Variants in MTHFD2L observed in about 807,000 individuals in gnomAD.
MTHFD2L encodes methylenetetrahydrofolate dehydrogenase (NADP+ dependent) 2 like.
MTHFD2L carries 29 observed loss-of-function variants against 34.9 expected under a neutral mutation model. The observed-to-expected ratio is 0.83, with a 90% CI of 0.62 to 1.13. MTHFD2L has a LOEUF of 1.13. Ranked by LOEUF, MTHFD2L falls within the 50% of genes most tolerant of loss-of-function variation. The pLI, the probability that MTHFD2L is intolerant of heterozygous loss-of-function variation, is 0.00. For synonymous variants in MTHFD2L, 167 were observed against 155.7 expected, an observed-to-expected ratio of 1.07 and a Z score of -0.54; for missense variants, 481 against 446.5, an observed-to-expected ratio of 1.08 and a Z score of -0.70.
At chr4:74,237,450 A>G (rs1741013725) in intron 6 of MTHFD2L, among the ~76,000 whole-genome samples, 2 of 152,148 alleles carry the variant, frequency 1.3e-5, no homozygotes, top group African/African-American at 4.8e-5. Context: ...GGAGTTCAAC[A>G]CCAGCCTGAC....
At chr4:74,148,528 C>T (rs1368629246) in intron 1 of MTHFD2L, among the ~76,000 whole-genome samples, 1 of 151,964 alleles carries the variant, frequency 6.6e-6, no homozygotes, top group East Asian at 1.9e-4. Flanking sequence ...GCTGAGACTA[C>T]AGGAACATGC....
At chr4:74,157,925 C>T (rs1724457613), upstream of MTHFD2L, 1 of 778,852 alleles carries the variant, frequency 1.3e-6, no homozygotes, top group Admixed American at 2.0e-5. Flanking sequence ...GACTTGGGTC[C>T]TGGCCCCGCC....
rs531415457 is a variant in MTHFD2L, at chr4:74,236,496, G to T, written c.805+11102G>T. On this transcript the variant is annotated intron_variant, in intron 6 of 7. Coordinates refer to ENST00000325278, the MANE Select transcript of MTHFD2L (RefSeq NM_001144978.3). The stretch of plus-strand genomic sequence containing the variant: ...CTAGCCATCCAGTGTATTCTCTATG[G>T]TCTCACCTTGTCCTTTATTCCTTCA... Among the ~76,000 whole-genome samples, 111 of 152,296 alleles carry T rather than the reference G, an allele frequency of 7.3e-4. 1 individual carries two copies. Among genetic ancestry groups the T allele is most frequent in the African/African-American group, 2.6e-3 (108 of 41,554 alleles).
chr4:74,246,783 A>G (rs1171210120), intron 6 of MTHFD2L, among the ~76,000 whole-genome samples: 1 of 152,156 alleles, frequency 6.6e-6, no homozygotes, highest in Non-Finnish European at 1.5e-5. Context: ...AAGATCAGAT[A>G]GGAGTAGATA....
intron 1 of MTHFD2L, among the ~76,000 whole-genome samples, chr4:74,148,560 G>C (rs1413850472): frequency 5.3e-5 from 8 of 151,730 alleles, no homozygotes; most frequent in African/African-American, 1.9e-4. Flanking sequence ...GCCAATTTTT[G>C]TATTTTTTGT....
intron 7 of MTHFD2L, among the ~76,000 whole-genome samples, chr4:74,283,091 C>G (rs1354000699): frequency 6.6e-6 from 1 of 152,050 alleles, no homozygotes; most frequent in Non-Finnish European, 1.5e-5. Context: ...TGTGATGCAC[C>G]CAGATGGCAC....
At chr4:74,187,313 TG>T (rs1464764451) in intron 3 of MTHFD2L, among the ~76,000 whole-genome samples, 1 of 152,066 alleles carries the variant, frequency 6.6e-6, no homozygotes, top group Admixed American at 6.6e-5. Context: ...GTCAAAGAAC[TG>T]TGGGATATTT....
chr4:74,138,772 T>G (rs892178566), intron 1 of MTHFD2L, among the ~76,000 whole-genome samples: 1 of 151,864 alleles, frequency 6.6e-6, no homozygotes, highest in Non-Finnish European at 1.5e-5. Flanking sequence ...TTTAATGGAG[T>G]GAAAACAGAG....
chr4:74,254,611 G>GT (rs1743759238), intron 6 of MTHFD2L, among the ~76,000 whole-genome samples: 1 of 148,456 alleles, frequency 6.7e-6, no homozygotes, highest in Non-Finnish European at 1.5e-5. Context: ...TGCTGAGGGA[G>GT]TTTATCACCA....
At chr4:74,217,384 A>C (rs2110099649) in intron 5 of MTHFD2L, among the ~76,000 whole-genome samples, 2 of 152,026 alleles carry the variant, frequency 1.3e-5, no homozygotes, top group East Asian at 3.9e-4. Context: ...GCTTGCAGAG[A>C]TAAAGAAATA....
At chr4:74,155,466 T>C (rs1470803587), upstream of MTHFD2L, among the ~76,000 whole-genome samples, 1 of 152,106 alleles carries the variant, frequency 6.6e-6, no homozygotes, top group Non-Finnish European at 1.5e-5. Flanking sequence ...TTTTAATTGG[T>C]GTATTAAGTT....
At chr4:74,138,338 A>G (rs1723075933) in intron 1 of MTHFD2L, among the ~76,000 whole-genome samples, 1 of 152,076 alleles carries the variant, frequency 6.6e-6, no homozygotes, top group African/African-American at 2.4e-5. Context: ...AAGATGTGGC[A>G]GGCAGCTCCC....
chr4:74,279,950 G>T (rs1360383153), intron 6 of MTHFD2L, among the ~76,000 whole-genome samples: 1 of 152,006 alleles, frequency 6.6e-6, no homozygotes, highest in Non-Finnish European at 1.5e-5. Context: ...TTAAACTCTT[G>T]CTAGCAGTAA....
At chr4:74,192,828 T>A (rs1042147319) in intron 3 of MTHFD2L, among the ~76,000 whole-genome samples, 15 of 152,028 alleles carry the variant, frequency 9.9e-5, no homozygotes, top group African/African-American at 3.1e-4. Flanking sequence ...TGCTTTTTTT[T>A]ATATATCTGG....
intron 2 of MTHFD2L, among the ~76,000 whole-genome samples, chr4:74,117,303 T>G (rs2109765153): frequency 6.6e-6 from 1 of 152,342 alleles, no homozygotes; most frequent in Non-Finnish European, 1.5e-5. Context: ...TAACACTGTT[T>G]AGCAGATTTT....
At position 74,148,759 on chromosome 4, in the gene MTHFD2L, G is replaced by A. The variant is rs560509562; in HGVS notation, c.-296-11296G>A. On this transcript the variant is annotated intron_variant, in intron 1 of 7. Coordinates refer to the MTHFD2L transcript ENST00000433372. ...AGAGAAACTCTTGAATAAGTGCATCGAGAGTCATAAACATGAATGCTCACA... is the reference window on the plus strand; with the variant it reads ...AGAGAAACTCTTGAATAAGTGCATCAAGAGTCATAAACATGAATGCTCACA... 4.6e-5 allele frequency among the ~76,000 whole-genome samples: 7 copies of A among 151,776 alleles called. No homozygotes were observed. In the South Asian group the frequency reaches 1.5e-3, roughly 32 times the overall value.
At chr4:74,277,009 T>C (rs1326131998) in intron 6 of MTHFD2L, among the ~76,000 whole-genome samples, 4 of 152,046 alleles carry the variant, frequency 2.6e-5, no homozygotes, top group Non-Finnish European at 4.4e-5. Context: ...AGTTTGTAAG[T>C]CTGGCAGAAG....
At chr4:74,144,296 T>C (rs954627721) in intron 1 of MTHFD2L, among the ~76,000 whole-genome samples, 18 of 151,964 alleles carry the variant, frequency 1.2e-4, no homozygotes, top group Non-Finnish European at 2.5e-4. Flanking sequence ...CTACTAAAAA[T>C]GCAAAAATTA....
At chr4:74,196,367 C>T (rs1454364775) in intron 3 of MTHFD2L, among the ~76,000 whole-genome samples, 1 of 151,942 alleles carries the variant, frequency 6.6e-6, no homozygotes, top group Non-Finnish European at 1.5e-5. Flanking sequence ...GGGGAAAGGA[C>T]ATGGTTTGGT....
Sources: allele counts gnomAD v4.1 joint callset (sites outside exome capture counted in the v4.1 genomes callset), GRCh38; gene constraint gnomAD v4.1.1; transcripts MANE v1.5; gene names NCBI Gene and HGNC (gene_info 2026-07-23, HGNC 2026-07-21).